Variants in SPATA6 observed in about 807,000 individuals in gnomAD.
The protein encoded by SPATA6 is spermatogenesis-associated protein 6.
Under a neutral mutation model 65.3 loss-of-function variants are expected in SPATA6, and 56 were observed. That is an observed-to-expected ratio of 0.86 (90% CI 0.69 to 1.07). SPATA6 has a LOEUF of 1.07. SPATA6 is among the 50% of genes least tolerant of loss of function. The pLI, the probability that SPATA6 is intolerant of heterozygous loss-of-function variation, is 0.00. For missense variants in SPATA6, 590 were observed against 594.8 expected, an observed-to-expected ratio of 0.99 and a Z score of 0.08; for synonymous variants, 199 against 213.2, an observed-to-expected ratio of 0.93 and a Z score of 0.58.
intron 11 of SPATA6, among the ~76,000 whole-genome samples, chr1:48,323,763 A>G (rs1334120318): frequency 6.6e-6 from 1 of 152,120 alleles, no homozygotes; most frequent in African/African-American, 2.4e-5. Flanking sequence ...AAAAAAATGT[A>G]CAAATTCCTA....
chr1:48,423,794 GC>G (rs965772790), intron 3 of SPATA6, among the ~76,000 whole-genome samples: 7 of 151,870 alleles, frequency 4.6e-5, no homozygotes, highest in African/African-American at 1.7e-4. Flanking sequence ...TGATCCGCCT[GC>G]CTCAGCCTTC....
chr1:48,395,793 T>C (rs1034591131), intron 7 of SPATA6, among the ~76,000 whole-genome samples: 2 of 151,878 alleles, frequency 1.3e-5, no homozygotes, highest in East Asian at 1.9e-4. Context: ...CAGTGATCTA[T>C]AGCTTAATAT....
At chr1:48,330,368 C>T (rs1052703730) in intron 11 of SPATA6, among the ~76,000 whole-genome samples, 1 of 152,168 alleles carries the variant, frequency 6.6e-6, no homozygotes, top group African/African-American at 2.4e-5. Flanking sequence ...GGCTCCACTG[C>T]TGTGTGAGGT....
intron 5 of SPATA6, among the ~76,000 whole-genome samples, chr1:48,409,904 G>C (rs891832612): frequency 6.6e-6 from 1 of 152,228 alleles, no homozygotes; most frequent in African/African-American, 2.4e-5. Flanking sequence ...CTCAAGGCCT[G>C]TGATGGGAAG....
intron 11 of SPATA6, among the ~76,000 whole-genome samples, chr1:48,308,021 G>A (rs929858341): frequency 6.6e-5 from 10 of 151,882 alleles, no homozygotes; most frequent in Admixed American, 2.0e-4. Context: ...GTATAATCAC[G>A]ATTTTTATCC....
At chr1:48,304,198 T>C (rs1645004943) in intron 12 of SPATA6, among the ~76,000 whole-genome samples, 1 of 152,200 alleles carries the variant, frequency 6.6e-6, no homozygotes, top group South Asian at 2.1e-4. Context: ...AAAGATACTC[T>C]TCTGAAAGGT....
At chr1:48,441,167 A>G (rs755469715) in intron 3 of SPATA6, among the ~76,000 whole-genome samples, 29 of 152,230 alleles carry the variant, frequency 1.9e-4, no homozygotes, top group Non-Finnish European at 3.2e-4. Context: ...CCCCAACCAG[A>G]TGATCCAACA....
chr1:48,343,265 T>C (rs116069036), intron 11 of SPATA6, among the ~76,000 whole-genome samples: 5,384 of 152,184 alleles, frequency 0.035, 311 homozygotes, highest in African/African-American at 0.12. Flanking sequence ...TTGAGCTTAT[T>C]TGGGAACCAA....
intron 11 of SPATA6, chr1:48,325,346 C>T: frequency 3.7e-6 from 5 of 1,338,568 alleles, no homozygotes; most frequent in Middle Eastern, 1.9e-4. Context: ...AGAGTCCTCC[C>T]CTGAAGGCAA....
At chr1:48,452,912 T>A in intron 2 of SPATA6, 82 bp downstream of exon 2, 1 of 1,470,480 alleles carries the variant, frequency 6.8e-7, no homozygotes, top group Non-Finnish European at 9.1e-7. Context: ...GCAGTAATAA[T>A]TTGTGTTATA....
chr1:48,414,430 C>T (rs1158484128), intron 3 of SPATA6, among the ~76,000 whole-genome samples: 2 of 152,160 alleles, frequency 1.3e-5, no homozygotes, highest in Non-Finnish European at 2.9e-5. Flanking sequence ...AAAGAAAATA[C>T]TTAACTCCAG....
chr1:48,450,957 A>C (rs1656511917), intron 3 of SPATA6, among the ~76,000 whole-genome samples: 1 of 152,232 alleles, frequency 6.6e-6, no homozygotes, highest in Non-Finnish European at 1.5e-5. Context: ...GGAGCTTTTC[A>C]TTTAACACTC....
chr1:48,381,472 G>T (rs1648570839), intron 9 of SPATA6, among the ~76,000 whole-genome samples: 1 of 144,658 alleles, frequency 6.9e-6, no homozygotes, highest in Non-Finnish European at 1.5e-5. Context: ...ACAGTGCCTT[G>T]ATTGATTATT....
chr1:48,390,475 C>G (rs555354471), intron 8 of SPATA6, among the ~76,000 whole-genome samples: 16 of 152,268 alleles, frequency 1.1e-4, no homozygotes, highest in African/African-American at 3.9e-4. Flanking sequence ...GATTAGAAAA[C>G]AGGTATACTC....
At chr1:48,391,619 C>T (rs1021010557) in intron 8 of SPATA6, among the ~76,000 whole-genome samples, 1 of 152,014 alleles carries the variant, frequency 6.6e-6, no homozygotes, top group African/African-American at 2.4e-5. Context: ...TTTAATCACC[C>T]TCACCACCAA....
chr1:48,309,687 T>C (rs1004772323), intron 11 of SPATA6, among the ~76,000 whole-genome samples: 2 of 152,194 alleles, frequency 1.3e-5, no homozygotes, highest in African/African-American at 4.8e-5. Flanking sequence ...TTCCACTGTT[T>C]ATTGTTGTTG....
intron 11 of SPATA6, among the ~76,000 whole-genome samples, chr1:48,344,573 G>C (rs1646310188): frequency 6.6e-6 from 1 of 152,066 alleles, no homozygotes; most frequent in Non-Finnish European, 1.5e-5. Context: ...CCGATTAAAA[G>C]ACAGATAGGC....
the SPATA6 span, among the ~76,000 whole-genome samples, chr1:48,279,354 G>A: frequency 4.6e-5 from 7 of 152,104 alleles, no homozygotes; most frequent in Non-Finnish European, 7.3e-5. Context: ...ATGTAAATGG[G>A]CTAAATGCTC....
At chr1:48,347,460 TATATA>T (rs199766078) in intron 11 of SPATA6, among the ~76,000 whole-genome samples, 10,436 of 146,228 alleles carry the variant, frequency 0.071, 489 homozygotes, top group East Asian at 0.2. Context: ...ATATAATGTA[TATATA>T]ATATAATATA....
Sources: allele counts gnomAD v4.1 joint callset (sites outside exome capture counted in the v4.1 genomes callset), GRCh38; gene constraint gnomAD v4.1.1; transcripts MANE v1.5; gene names NCBI Gene and HGNC (gene_info 2026-07-23, HGNC 2026-07-21).